The following FHIP1A variants were observed in gnomAD, a reference collection of about 807,000 sequenced individuals.
FHIP1A encodes the protein FHF complex subunit HOOK interacting protein 1A.
In FHIP1A, 61 loss-of-function variants were observed where a neutral mutation model predicts 88.6. That is an observed-to-expected ratio of 0.69 (90% CI 0.56 to 0.85). FHIP1A has a LOEUF of 0.85. Ranked by LOEUF, FHIP1A falls within the 40% of genes least tolerant of loss-of-function variation. FHIP1A has a pLI of 0.00. For missense variants in FHIP1A, 1,154 were observed against 1,273.5 expected, an observed-to-expected ratio of 0.91 and a Z score of 1.43; for synonymous variants, 478 against 496.0, an observed-to-expected ratio of 0.96 and a Z score of 0.48.
chr4:151,575,397 A>T (rs1733748829), intron 4 of FHIP1A, among the ~76,000 whole-genome samples: 1 of 152,118 alleles, frequency 6.6e-6, no homozygotes, highest in Non-Finnish European at 1.5e-5. Context: ...GAACAAAGGG[A>T]TGGGAGAGAA....
intron 3 of FHIP1A, among the ~76,000 whole-genome samples, chr4:151,558,019 G>A (rs919044026): frequency 2.0e-5 from 3 of 152,136 alleles, no homozygotes; most frequent in African/African-American, 7.2e-5. Flanking sequence ...GCTTTATTCA[G>A]GGGTAAACAA....
chr4:151,605,674 G>A (rs1735046316), intron 7 of FHIP1A, among the ~76,000 whole-genome samples: 1 of 152,180 alleles, frequency 6.6e-6, no homozygotes, highest in African/African-American at 2.4e-5. Context: ...AGCCGCCGTG[G>A]AGCCCATTTG....
chr4:151,515,578 C>T (rs1404109282), intron 3 of FHIP1A, among the ~76,000 whole-genome samples: 1 of 152,220 alleles, frequency 6.6e-6, no homozygotes, highest in Non-Finnish European at 1.5e-5. Flanking sequence ...CCTAAATCTC[C>T]TTAAGCTGAT....
intron 8 of FHIP1A, among the ~76,000 whole-genome samples, chr4:151,630,480 G>A (rs568644148): frequency 8.5e-5 from 13 of 152,176 alleles, no homozygotes; most frequent in Non-Finnish European, 1.9e-4. Flanking sequence ...TTGCACAAAG[G>A]GGGGAAGAGG....
chr4:151,510,963 C>T (rs1421573325), intron 3 of FHIP1A, among the ~76,000 whole-genome samples: 1 of 152,164 alleles, frequency 6.6e-6, no homozygotes, highest in Non-Finnish European at 1.5e-5. Context: ...CAAGATGTAG[C>T]TCTTGCCTTT....
chr4:151,562,478 G>C (rs1733211515), intron 3 of FHIP1A, among the ~76,000 whole-genome samples: 1 of 152,028 alleles, frequency 6.6e-6, no homozygotes, highest in Non-Finnish European at 1.5e-5. Flanking sequence ...AATTATCCAT[G>C]TTCATTGGTT....
Position 151,667,929 on chromosome 4 carries a change from C to T in FHIP1A, c.*5175C>T, listed in dbSNP as rs1054091082. Among the ~76,000 whole-genome samples, 6 of 152,262 alleles carry T rather than the reference C, an allele frequency of 3.9e-5. No individual in the cohort carries two copies. The highest frequency in any genetic ancestry group is 3.4e-3 in the Middle Eastern group (1 of 294). On this transcript the variant is annotated 3_prime_UTR_variant, in exon 14 of 14. Transcript: ENST00000435205. ...TTAGGCCAGATTAAATTTCATGGAA[C>T]GGAGGCTGCAGAAGTCTGTGCTGCT...
intron 7 of FHIP1A, among the ~76,000 whole-genome samples, chr4:151,603,157 C>G (rs976469187): frequency 3.9e-5 from 6 of 151,920 alleles, no homozygotes; most frequent in Non-Finnish European, 7.4e-5. Flanking sequence ...CTAAAAAATA[C>G]AAAAAACTAG....
At position 151,636,775 on chromosome 4, in the gene FHIP1A, A is replaced by G. The variant is rs116208794; in HGVS notation, c.1147-1902A>G. Among the ~76,000 whole-genome samples the G allele has an allele frequency of 6.2e-3, 951 of 152,220 alleles. 12 individuals are homozygous for G. Among genetic ancestry groups the G allele is most frequent in the African/African-American group, 0.021 (887 of 41,560 alleles). ...CTCCACAAATCGATCTACAGTTTCA[A>G]TGCTTTTCTATAAAACTCCTATCTG... On this transcript the variant is annotated intron_variant, in intron 8 of 13. Transcript: ENST00000435205.
chr4:151,532,198 C>G (rs1230830854), intron 3 of FHIP1A, among the ~76,000 whole-genome samples: 2 of 152,058 alleles, frequency 1.3e-5, no homozygotes, highest in Non-Finnish European at 2.9e-5. Context: ...ATTATTTTTC[C>G]CCTTTCCACC....
Position 151,605,667 on chromosome 4 carries a change from C to T in FHIP1A, c.978+16741C>T, listed in dbSNP as rs116490212. ...GCATGTGTGCTGGGTTCATATAAGC[C>T]GCCGTGGAGCCCATTTGTTTTACAA... On this transcript the variant is annotated intron_variant, in intron 7 of 13. Coordinates refer to ENST00000435205, the MANE Select transcript of FHIP1A (RefSeq NM_001109977.3). 3.1e-3 allele frequency among the ~76,000 whole-genome samples: 465 copies of T among 152,280 alleles called. 3 individuals are homozygous for T. The highest frequency in any genetic ancestry group is 0.011 in the African/African-American group (445 of 41,544).
chr4:151,665,305 G>C lies in FHIP1A; in HGVS notation c.*2551G>C, dbSNP rs1369611767. Among the ~76,000 whole-genome samples the C allele has an allele frequency of 2.0e-5, 3 of 152,328 alleles. No homozygotes were observed. The highest frequency in any genetic ancestry group is 4.4e-5 in the Non-Finnish European group (3 of 68,038). ...AGTAGACTTACTTTAAATGAGGACA[G>C]AGATGACTGGTGTGTGCAGTGACAG... On this transcript the variant is annotated 3_prime_UTR_variant, in exon 14 of 14. Transcript: ENST00000435205.
intron 1 of FHIP1A, among the ~76,000 whole-genome samples, chr4:151,428,709 C>G (rs898182404): frequency 6.6e-6 from 1 of 152,174 alleles, no homozygotes; most frequent in East Asian, 1.9e-4. Flanking sequence ...TCATGATACT[C>G]TCTCACTAAC....
intron 7 of FHIP1A, among the ~76,000 whole-genome samples, chr4:151,614,373 G>A (rs529796508): frequency 6.5e-4 from 98 of 151,698 alleles, no homozygotes; most frequent in South Asian, 8.3e-4. Flanking sequence ...GGAGGCTGAC[G>A]TGAGAGATTT....
intron 3 of FHIP1A, among the ~76,000 whole-genome samples, chr4:151,531,982 G>A (rs1269891605): frequency 1.3e-5 from 2 of 152,148 alleles, no homozygotes; most frequent in Admixed American, 6.5e-5. Context: ...AAATAAAAAA[G>A]GTAAGTTTTG....
chr4:151,623,911 C>T (rs28665936), intron 7 of FHIP1A, among the ~76,000 whole-genome samples: 23,034 of 152,140 alleles, frequency 0.15, 3,217 homozygotes, highest in African/African-American at 0.35. Context: ...ATAGACCTCA[C>T]ATAAGTTCAG....
intron 7 of FHIP1A, among the ~76,000 whole-genome samples, chr4:151,592,663 C>A (rs2126814578): frequency 6.6e-6 from 1 of 152,132 alleles, no homozygotes; most frequent in African/African-American, 2.4e-5. Flanking sequence ...TGGATATTAG[C>A]CCTTTGTCAG....
chr4:151,632,212 C>T (rs2126881237), intron 8 of FHIP1A, among the ~76,000 whole-genome samples: 1 of 151,738 alleles, frequency 6.6e-6, no homozygotes, highest in East Asian at 1.9e-4. Flanking sequence ...TAAGGAATGA[C>T]ATTAATGATA....
At position 151,650,164 on chromosome 4, in the gene FHIP1A, AG is replaced by A; in HGVS notation, c.2124del (p.Glu708AspfsTer21). The A allele has an allele frequency of 6.4e-7, 1 of 1,551,704 alleles. No individual in the cohort carries two copies. The highest frequency in any genetic ancestry group is 2.4e-5 in the East Asian group (1 of 40,918). The stretch of plus-strand genomic sequence containing the variant: ...GACAATTCAGACCCGTTTCACAGTG[AG>A]CCCAAGGAGCCAAAGCAAGAGAGGG... Reference protein sequence around the residue: ...NRDNSDPFHSEPKEPKQEREP... With the variant: ...NRDNSDPFHSXPKEPKQEREP... On this transcript the variant is annotated frameshift_variant, in exon 11 of 14. Transcript: ENST00000435205. LOFTEE classifies it high-confidence loss of function.
Sources: allele counts gnomAD v4.1 joint callset (sites outside exome capture counted in the v4.1 genomes callset), GRCh38; gene constraint gnomAD v4.1.1; transcripts MANE v1.5; gene names NCBI Gene and HGNC (gene_info 2026-07-23, HGNC 2026-07-21).